Variants in MLIP observed in about 807,000 individuals in gnomAD.
MLIP encodes the protein muscular LMNA interacting protein.
MLIP carries 79 observed loss-of-function variants against 84.8 expected under a neutral mutation model. That is an observed-to-expected ratio of 0.93 (90% CI 0.78 to 1.12). The LOEUF (loss-of-function observed/expected upper bound fraction) is 1.12. Among genes scored for constraint, MLIP ranks in the 50% most tolerant of loss-of-function variants. The pLI, the probability that MLIP is intolerant of heterozygous loss-of-function variation, is 0.00. For synonymous variants in MLIP, 504 were observed against 463.0 expected, an observed-to-expected ratio of 1.09 and a Z score of -1.14; for missense variants, 1,257 against 1,160.6, an observed-to-expected ratio of 1.08 and a Z score of -1.21.
intron 1 of MLIP, among the ~76,000 whole-genome samples, chr6:54,049,105 A>G (rs1007594559): frequency 2.6e-5 from 4 of 152,190 alleles, no homozygotes; most frequent in Admixed American, 2.6e-4. Context: ...GTGGATATAC[A>G]TAAACCTAAC....
At position 54,137,420 on chromosome 6, in the gene MLIP, C is replaced by A; in HGVS notation, c.1351C>A (p.Leu451Ile). 6.5e-7 allele frequency: 1 copy of A among 1,536,088 alleles called. No individual in the cohort carries two copies. The highest frequency in any genetic ancestry group is 1.4e-5 in the African/African-American group (1 of 73,128). ...LNSPASSTLT[L>I]DQKEKQTPPT... ...CTCCCCGGCCTCTTCCACGCTCACA[C>A]TTGACCAAAAAGAAAAGCAGACCCC... Residue 451 changes from leucine (L) to isoleucine (I), a missense_variant, in exon 4 of 14, where the codon CTT becomes ATT. By Grantham distance (5) the Leu-to-Ile change is conservative. Transcript: ENST00000502396.
chr6:54,156,438 T>C (rs1002552080), intron 5 of MLIP, among the ~76,000 whole-genome samples: 1 of 152,118 alleles, frequency 6.6e-6, no homozygotes, highest in African/African-American at 2.4e-5. Flanking sequence ...AGTAACCTAA[T>C]AAAAGTTATG....
chr6:54,139,358 G>T (rs1016713206), intron 4 of MLIP, among the ~76,000 whole-genome samples: 1 of 152,118 alleles, frequency 6.6e-6, no homozygotes, highest in Non-Finnish European at 1.5e-5. Flanking sequence ...ATGGAACATG[G>T]TTAGTAAGGG....
At chr6:54,258,714 T>A (rs1160681352) in intron 13 of MLIP, among the ~76,000 whole-genome samples, 1 of 152,078 alleles carries the variant, frequency 6.6e-6, no homozygotes, top group Non-Finnish European at 1.5e-5. Flanking sequence ...TTGTTTTACT[T>A]AATTTTCATA....
At chr6:54,055,244 C>T (rs138116930) in intron 1 of MLIP, among the ~76,000 whole-genome samples, 1 of 152,096 alleles carries the variant, frequency 6.6e-6, no homozygotes, top group African/African-American at 2.4e-5. Flanking sequence ...TCTATGTGTC[C>T]CCAATGTGTA....
At chr6:54,256,023 T>C (rs2150890703) in intron 12 of MLIP, among the ~76,000 whole-genome samples, 1 of 152,204 alleles carries the variant, frequency 6.6e-6, no homozygotes, top group East Asian at 1.9e-4. Flanking sequence ...AGAAAGTAGG[T>C]GCTTCCAGCT....
intron 11 of MLIP, among the ~76,000 whole-genome samples, chr6:54,207,648 T>A (rs1207982791): frequency 6.6e-6 from 1 of 152,202 alleles, no homozygotes; most frequent in African/African-American, 2.4e-5. Context: ...ATCATAATGG[T>A]CTGAAGCATT....
intron 10 of MLIP, among the ~76,000 whole-genome samples, chr6:54,197,215 G>A (rs1408091437): frequency 6.6e-6 from 1 of 152,036 alleles, no homozygotes; most frequent in East Asian, 1.9e-4. Flanking sequence ...AAAAGGTGAG[G>A]CATTAGAGAG....
chr6:54,250,711 C>A (rs771660510), intron 12 of MLIP, among the ~76,000 whole-genome samples: 2 of 152,064 alleles, frequency 1.3e-5, no homozygotes, highest in Non-Finnish European at 2.9e-5. Flanking sequence ...ACCCATCCAC[C>A]TGAATTTTCT....
intron 9 of MLIP, among the ~76,000 whole-genome samples, chr6:54,177,526 T>TA (rs1412134091): frequency 6.6e-6 from 1 of 152,048 alleles, no homozygotes; most frequent in African/African-American, 2.4e-5. Flanking sequence ...TGGGAATTAT[T>TA]AAAAAAGTCA....
intron 4 of MLIP, among the ~76,000 whole-genome samples, chr6:54,145,428 G>A (rs760065431): frequency 5.3e-5 from 8 of 152,080 alleles, no homozygotes; most frequent in Admixed American, 1.3e-4. Flanking sequence ...GAAAAGGAAA[G>A]GGTATGTATG....
intron 11 of MLIP, among the ~76,000 whole-genome samples, chr6:54,208,277 T>C (rs1779181375): frequency 6.6e-6 from 1 of 152,076 alleles, no homozygotes; most frequent in Non-Finnish European, 1.5e-5. Flanking sequence ...TATTCTGAGA[T>C]TAGAAAGTTC....
intron 1 of MLIP, among the ~76,000 whole-genome samples, chr6:54,032,821 G>T (rs934555479): frequency 1.3e-5 from 2 of 152,090 alleles, no homozygotes; most frequent in African/African-American, 4.8e-5. Context: ...CCCAAAGAGG[G>T]ATCATTTTTT....
At chr6:54,250,973 T>C (rs1782435657) in intron 12 of MLIP, among the ~76,000 whole-genome samples, 1 of 152,046 alleles carries the variant, frequency 6.6e-6, no homozygotes, top group Admixed American at 6.6e-5. Flanking sequence ...TTACTATCTG[T>C]CTCTCCTGCT....
chr6:54,153,572 G>T (rs932707332), intron 5 of MLIP, among the ~76,000 whole-genome samples: 1 of 152,080 alleles, frequency 6.6e-6, no homozygotes, highest in Non-Finnish European at 1.5e-5. Flanking sequence ...TCTTGGCAGG[G>T]CGTGATGGCT....
chr6:54,127,158 C>T (rs780150408), intron 3 of MLIP, among the ~76,000 whole-genome samples: 6 of 152,076 alleles, frequency 3.9e-5, no homozygotes, highest in South Asian at 4.2e-4. Flanking sequence ...AAAGATGTTC[C>T]CTTTGGAAAG....
At chr6:54,213,793 T>A (rs199994516) in intron 11 of MLIP, among the ~76,000 whole-genome samples, 2 of 20,516 alleles carry the variant, frequency 9.7e-5, no homozygotes, top group Non-Finnish European at 7.0e-4. Context: ...CAAAAAAAAG[T>A]TTTTTTTTAA....
At chr6:54,228,461 C>T (rs1780757852) in intron 11 of MLIP, among the ~76,000 whole-genome samples, 1 of 152,194 alleles carries the variant, frequency 6.6e-6, no homozygotes, top group African/African-American at 2.4e-5. Context: ...CGTCCAAGTG[C>T]TGATAAGATT....
intron 5 of MLIP, among the ~76,000 whole-genome samples, chr6:54,154,617 C>T (rs146505258): frequency 5.3e-5 from 8 of 152,256 alleles, no homozygotes; most frequent in Admixed American, 2.0e-4. Flanking sequence ...TTCCCTGTTC[C>T]GTACTGTACA....
Sources: gnomAD v4.1 joint callset for allele counts (sites outside exome capture counted in the v4.1 genomes callset) on GRCh38, gnomAD v4.1.1 for gene constraint, MANE v1.5 for transcripts, NCBI Gene and HGNC (gene_info 2026-07-23, HGNC 2026-07-21) for gene names.